CREB5: variants seen among roughly 807,000 people sequenced by gnomAD.
CREB5 encodes cAMP responsive element binding protein 5.
A neutral mutation model predicts 57.1 loss-of-function variants in CREB5; 19 were observed. That is an observed-to-expected ratio of 0.33 (90% CI 0.23 to 0.49). The LOEUF (loss-of-function observed/expected upper bound fraction) is 0.49. CREB5 is among the 20% of genes least tolerant of loss of function. CREB5 has a pLI of 0.99. For missense variants in CREB5, 579 were observed against 671.6 expected (o/e 0.86, Z 1.52); for synonymous variants, 238 against 238.3 (o/e 1.00, Z 0.01).
At chr7:28,792,392 A>G (rs1357617018) in intron 7 of CREB5, among the ~76,000 whole-genome samples, 3 of 152,226 alleles carry the variant, frequency 2.0e-5, no homozygotes, top group African/African-American at 7.2e-5. Context: ...AAGAAAGTAT[A>G]GAAATGCTCA....
At chr7:28,560,893 T>C (rs368762903) in intron 4 of CREB5, among the ~76,000 whole-genome samples, 1,016 of 20,232 alleles carry the variant, frequency 0.05, 101 homozygotes, top group African/African-American at 0.074. Flanking sequence ...CGTGCGTGTG[T>C]GTGCGTGCGC....
At chr7:28,421,368 C>A (rs1298783183) in intron 1 of CREB5, among the ~76,000 whole-genome samples, 1 of 152,064 alleles carries the variant, frequency 6.6e-6, no homozygotes, top group Non-Finnish European at 1.5e-5. Context: ...ACATATACCA[C>A]ATTTAAAAAA....
intron 5 of CREB5, among the ~76,000 whole-genome samples, chr7:28,712,344 C>A: frequency 6.6e-6 from 1 of 151,570 alleles, no homozygotes; most frequent in South Asian, 2.1e-4. Context: ...CCCGTCTCTC[C>A]TAAAAATAGA....
chr7:28,304,878 T>G (rs756644690), intron 1 of CREB5, among the ~76,000 whole-genome samples: 4 of 152,170 alleles, frequency 2.6e-5, no homozygotes, highest in Non-Finnish European at 5.9e-5. Flanking sequence ...TTTGTAGAAA[T>G]GAAAGGCTGG....
intron 4 of CREB5, among the ~76,000 whole-genome samples, chr7:28,560,921 T>TGTGCGTGTGCGTGCGCGCGCGCGTGCGC (rs1795180804): frequency 2.5e-5 from 1 of 40,568 alleles, no homozygotes; most frequent in African/African-American, 1.2e-4. Context: ...TGTGCGTGTG[T>TGTGCGTGTGCGTGCGCGCGCGCGTGCGC]GCGCGTGCGT....
intron 1 of CREB5, among the ~76,000 whole-genome samples, chr7:28,350,259 C>T (rs1307952061): frequency 1.3e-5 from 2 of 152,150 alleles, no homozygotes; most frequent in African/African-American, 4.8e-5. Context: ...CAACGTGTTC[C>T]ATCCCATGCT....
At position 28,331,103 on chromosome 7, in the gene CREB5, C is replaced by A. The variant is rs115455605; in HGVS notation, c.-25+31662C>A. On this transcript the variant is annotated intron_variant, in intron 1 of 9. Transcript: ENST00000396299. ...TATCCATTTATTCAATAATTGAGTTCACAGTTACTGAGCACTACCCATTAA... is the reference window on the plus strand; with the variant it reads ...TATCCATTTATTCAATAATTGAGTTAACAGTTACTGAGCACTACCCATTAA... 2.7e-3 allele frequency among the ~76,000 whole-genome samples: 417 copies of A among 152,216 alleles called. 4 individuals are homozygous for A. Among genetic ancestry groups the A allele is most frequent in the African/African-American group, 9.8e-3 (405 of 41,532 alleles).
chr7:28,429,071 G>A (rs919563412), intron 1 of CREB5, among the ~76,000 whole-genome samples: 1 of 152,058 alleles, frequency 6.6e-6, no homozygotes. Flanking sequence ...TGCCACCCAG[G>A]CTAGGGTACA....
chr7:28,306,568 T>TTG (rs1785190996), intron 1 of CREB5, among the ~76,000 whole-genome samples: 4 of 132,782 alleles, frequency 3.0e-5, no homozygotes, highest in African/African-American at 5.6e-5. Flanking sequence ...TTTTTTTTTT[T>TTG]TTTTTTTTTT....
chr7:28,317,167 A>G (rs998735740), intron 1 of CREB5, among the ~76,000 whole-genome samples: 2 of 151,998 alleles, frequency 1.3e-5, no homozygotes, highest in Non-Finnish European at 2.9e-5. Context: ...TTTCTGGTTC[A>G]GTTTCAGTTT....
chr7:28,612,586 G>GTGTA lies in CREB5; in HGVS notation c.464+42050_464+42053dup, dbSNP rs1554274977. On this transcript the variant is annotated intron_variant, in intron 5 of 10. Coordinates refer to ENST00000357727, the MANE Select transcript of CREB5 (RefSeq NM_182898.4). ...TGTGTGTGTGTGTGTGTGTGTGTGT[G>GTGTA]TGTAAGGATACAGTTAAAGCAGACT... is the stretch of plus-strand genomic sequence containing the variant. Among the ~76,000 whole-genome samples the GTGTA allele has an allele frequency of 5.6e-3, 788 of 141,652 alleles. 5 individuals carry two copies. Among genetic ancestry groups the GTGTA allele is most frequent in the Non-Finnish European group, 8.5e-3 (560 of 65,746 alleles). The allele number at this position is 141,652 out of a possible 152,430, so 92.9% of individuals were successfully genotyped here. A position where few individuals can be genotyped will look rare whatever the true frequency, so the allele number is the denominator to read the frequency against.
At chr7:28,618,635 C>T (rs557324917) in intron 5 of CREB5, among the ~76,000 whole-genome samples, 74 of 152,236 alleles carry the variant, frequency 4.9e-4, no homozygotes, top group African/African-American at 1.6e-3. Flanking sequence ...TACAGTCACA[C>T]GCAGCTGGGA....
chr7:28,301,098 T>C (rs1785091226), intron 1 of CREB5, among the ~76,000 whole-genome samples: 1 of 152,226 alleles, frequency 6.6e-6, no homozygotes, highest in African/African-American at 2.4e-5. Flanking sequence ...AAGGTGACTC[T>C]AATATGTAGA....
chr7:28,410,256 TCCTCCGGCCG>T (rs749124586), upstream of CREB5: 2 of 455,384 alleles, frequency 4.4e-6, no homozygotes, highest in South Asian at 3.1e-5. Context: ...TCCAGTCCAC[TCCTCCGGCCG>T]CCTCCTGCCT....
intron 1 of CREB5, among the ~76,000 whole-genome samples, chr7:28,393,614 C>T (rs1787267050): frequency 6.6e-6 from 1 of 152,144 alleles, no homozygotes; most frequent in Admixed American, 6.5e-5. Context: ...CAACAGCTGT[C>T]TAACAAAAAA....
chr7:28,383,318 C>T (rs192850039), intron 1 of CREB5, among the ~76,000 whole-genome samples: 7 of 152,210 alleles, frequency 4.6e-5, no homozygotes, highest in Non-Finnish European at 8.8e-5. Flanking sequence ...AGAAAAGTGG[C>T]AGAAGGATGG....
At chr7:28,351,775 A>G (rs1044808424) in intron 1 of CREB5, among the ~76,000 whole-genome samples, 1 of 152,124 alleles carries the variant, frequency 6.6e-6, no homozygotes, top group African/African-American at 2.4e-5. Flanking sequence ...TTTAGAAAAA[A>G]AAAATCCTTG....
chr7:28,470,881 G>T (rs1373080479), intron 1 of CREB5, among the ~76,000 whole-genome samples: 1 of 152,094 alleles, frequency 6.6e-6, no homozygotes, highest in Non-Finnish European at 1.5e-5. Flanking sequence ...GTCTTCTTTT[G>T]AGAAATGTCT....
In CREB5 at chr7:28,391,183, T is replaced by C. The variant is rs568517739; in HGVS notation, c.-25+91742T>C. On this transcript the variant is annotated intron_variant, in intron 1 of 9. Transcript: ENST00000396299. ...AGTTTTCTGTTCTATTTCAAATTAA[T>C]ATTACATCATAATTTTATCAAAATT... 9.8e-5 allele frequency among the ~76,000 whole-genome samples: 15 copies of C among 152,352 alleles called. No individual in the cohort carries two copies. In the South Asian group the frequency reaches 3.1e-3, roughly 32 times the overall value.
Sources: allele counts gnomAD v4.1 joint callset (sites outside exome capture counted in the v4.1 genomes callset), GRCh38; gene constraint gnomAD v4.1.1; transcripts MANE v1.5; gene names NCBI Gene and HGNC (gene_info 2026-07-23, HGNC 2026-07-21).